OSBP2: variants seen among roughly 807,000 people sequenced by gnomAD.
OSBP2 encodes oxysterol-binding protein 2.
A neutral mutation model predicts 96.0 loss-of-function variants in OSBP2; 66 were observed. That is an observed-to-expected ratio of 0.69 (90% CI 0.56 to 0.84). The LOEUF (loss-of-function observed/expected upper bound fraction) is 0.84. Ranked by LOEUF, OSBP2 falls within the 40% of genes least tolerant of loss-of-function variation. The pLI, the probability that OSBP2 is intolerant of heterozygous loss-of-function variation, is 0.00. For missense variants in OSBP2, 1,038 were observed against 1,222.7 expected (o/e 0.85, Z 2.25); for synonymous variants, 525 against 520.9 (o/e 1.01, Z -0.11).
At chr22:30,806,453 A>G (rs1490586421) in intron 2 of OSBP2, among the ~76,000 whole-genome samples, 1 of 152,202 alleles carries the variant, frequency 6.6e-6, no homozygotes, top group Non-Finnish European at 1.5e-5. Flanking sequence ...TCCTGTCTCC[A>G]GGATGGGGCT....
Position 30,890,908 on chromosome 22 carries a change from A to T in OSBP2, c.1804A>T (p.Met602Leu). The T allele has an allele frequency of 6.2e-7, 1 of 1,613,128 alleles. No homozygotes were observed. The highest frequency in any genetic ancestry group is 8.5e-7 in the Non-Finnish European group (1 of 1,179,964). ...VHRIAKPFNPMLGETFELDRL... is the reference protein window; with the variant it reads ...VHRIAKPFNPLLGETFELDRL... ...CCGCATCGCCAAGCCCTTCAACCCC[A>T]TGCTGGGGGAGACCTTCGAGCTGGA... The change falls in exon 8 of 14, where the codon ATG becomes TTG. Residue 602 changes from methionine to leucine, a missense_variant. Transcript: ENST00000332585. The surrounding 1 kb of genome is among the most constrained non-coding windows in gnomAD (Gnocchi z 4.4).
chr22:30,888,909 A>G (rs2039879318), intron 5 of OSBP2, among the ~76,000 whole-genome samples: 2 of 152,218 alleles, frequency 1.3e-5, no homozygotes, highest in African/African-American at 4.8e-5. Flanking sequence ...ATTGTAGGCA[A>G]TTGTGACACA....
chr22:30,843,107 C>T (rs2038789186), intron 2 of OSBP2, among the ~76,000 whole-genome samples: 1 of 152,112 alleles, frequency 6.6e-6, no homozygotes, highest in South Asian at 2.1e-4. Flanking sequence ...TATCTTGAGG[C>T]TCCACTTCTA....
At chr22:30,728,105 A>C (rs1315753726) in intron 1 of OSBP2, among the ~76,000 whole-genome samples, 1 of 143,148 alleles carries the variant, frequency 7.0e-6, no homozygotes, top group Non-Finnish European at 1.5e-5. Context: ...TGTCTCAAAG[A>C]AAAATAAAGG....
intron 3 of OSBP2, among the ~76,000 whole-genome samples, chr22:30,878,158 G>A (rs551394874): frequency 1.3e-5 from 2 of 152,252 alleles, no homozygotes; most frequent in Non-Finnish European, 2.9e-5. Flanking sequence ...TGTGCTGACA[G>A]TGTTCTGCTT....
intron 2 of OSBP2, among the ~76,000 whole-genome samples, chr22:30,760,076 C>T (rs1602226274): frequency 6.6e-6 from 1 of 151,984 alleles, no homozygotes; most frequent in Admixed American, 6.6e-5. Flanking sequence ...CCATGTTGGC[C>T]AGGGTCATCC....
At position 30,889,204 on chromosome 22, in the gene OSBP2, A is replaced by G. The variant is rs373508185; in HGVS notation, c.1446A>G (p.Thr482=). Residue 482 remains threonine, a synonymous_variant, in exon 6 of 14, where the codon ACA becomes ACG. Coordinates refer to ENST00000332585, the MANE Select transcript of OSBP2 (RefSeq NM_030758.4). ...GAAAAGCTGAAGGTAGCACCGGGACAAGTTCCGTGGACTGGAGCTCAGCAG... is the reference window on the plus strand; with the variant it reads ...GAAAAGCTGAAGGTAGCACCGGGACGAGTTCCGTGGACTGGAGCTCAGCAG... ...DSRKAEGSTG[T]SSVDWSSADN... is the part of the protein sequence containing the mutation. 15 of 1,613,518 alleles carry G rather than the reference A, an allele frequency of 9.3e-6. No individual in the cohort carries two copies. In the African/African-American group the frequency reaches 1.6e-4, roughly 17 times the overall value.
At chr22:30,841,734 C>A (rs898771695) in intron 2 of OSBP2, among the ~76,000 whole-genome samples, 1 of 152,262 alleles carries the variant, frequency 6.6e-6, no homozygotes, top group Middle Eastern at 3.4e-3. Context: ...GGCATGGTGG[C>A]TCACACCTCT....
rs985755371 is a variant in OSBP2 at position 30,824,667 on chromosome 22, A to T, written c.854-45762A>T. Among the ~76,000 whole-genome samples, 3 of 152,280 alleles carry T rather than the reference A, an allele frequency of 2.0e-5. No individual in the cohort carries two copies. The South Asian group carries it at 6.2e-4, about 32-fold the overall frequency. On this transcript the variant is annotated intron_variant, in intron 2 of 13. Coordinates refer to ENST00000332585, the MANE Select transcript of OSBP2 (RefSeq NM_030758.4). ...GGGTGAGACTGGCCTCCTGTTTTATACACGTCAAAGGGTATTCTGGTGAGG... is the reference window on the plus strand; with the variant it reads ...GGGTGAGACTGGCCTCCTGTTTTATTCACGTCAAAGGGTATTCTGGTGAGG...
chr22:30,747,732 C>G (rs959585854), intron 2 of OSBP2, among the ~76,000 whole-genome samples: 3 of 152,170 alleles, frequency 2.0e-5, no homozygotes, highest in African/African-American at 7.2e-5. Context: ...TTCCTGGTCT[C>G]TCTGCCTAGA....
chr22:30,769,971 T>C (rs1050310231), intron 2 of OSBP2, among the ~76,000 whole-genome samples: 1 of 152,200 alleles, frequency 6.6e-6, no homozygotes, highest in Non-Finnish European at 1.5e-5. Context: ...TCCCCCATAC[T>C]GTTCTCATGG....
chr22:30,897,294 C>T (rs1299338832), intron 12 of OSBP2, among the ~76,000 whole-genome samples: 1 of 152,202 alleles, frequency 6.6e-6, no homozygotes, highest in Non-Finnish European at 1.5e-5. Context: ...CTGTACACCT[C>T]TTTCACTTGT....
At chr22:30,725,545 C>CAAAAACAAAAACA (rs2089632825) in intron 1 of OSBP2, among the ~76,000 whole-genome samples, 1 of 143,998 alleles carries the variant, frequency 6.9e-6, no homozygotes, top group African/African-American at 2.5e-5. Context: ...AAAACAAAAA[C>CAAAAACAAAAACA]AAAAAAAAAA....
intron 12 of OSBP2, among the ~76,000 whole-genome samples, chr22:30,903,224 G>T (rs1465466049): frequency 6.6e-6 from 1 of 152,184 alleles, no homozygotes; most frequent in Admixed American, 6.5e-5. Context: ...CTTCTGACCT[G>T]CATGTTGAGT....
At chr22:30,745,784 G>T (rs2145746923) in intron 2 of OSBP2, among the ~76,000 whole-genome samples, 1 of 151,772 alleles carries the variant, frequency 6.6e-6, no homozygotes, top group East Asian at 1.9e-4. Context: ...TGACGTAGTT[G>T]GTAAACCTTT....
At chr22:30,802,180 C>T (rs181315326) in intron 2 of OSBP2, among the ~76,000 whole-genome samples, 13 of 152,262 alleles carry the variant, frequency 8.5e-5, no homozygotes, top group African/African-American at 3.1e-4. Context: ...TGTTGCTGGT[C>T]TGTGGCAGAA....
intron 1 of OSBP2, among the ~76,000 whole-genome samples, chr22:30,718,915 A>T (rs1220996368): frequency 6.6e-6 from 1 of 152,208 alleles, no homozygotes; most frequent in Non-Finnish European, 1.5e-5. Context: ...TTGTTCATGC[A>T]CTGTGACAAG....
chr22:30,808,146 G>A (rs1378753341), intron 2 of OSBP2, among the ~76,000 whole-genome samples: 1 of 152,168 alleles, frequency 6.6e-6, no homozygotes, highest in Non-Finnish European at 1.5e-5. Context: ...GCTAAAGCCA[G>A]TGTTGTGGGT....
chr22:30,753,637 A>G (rs989982750), intron 2 of OSBP2, among the ~76,000 whole-genome samples: 1 of 152,128 alleles, frequency 6.6e-6, no homozygotes, highest in Non-Finnish European at 1.5e-5. Flanking sequence ...TCCAGGCCAA[A>G]CCGTCTTTGG....
Sources: allele counts gnomAD v4.1 joint callset (sites outside exome capture counted in the v4.1 genomes callset), GRCh38; gene constraint gnomAD v4.1.1; non-coding constraint Gnocchi (gnomAD v3.1); transcripts MANE v1.5; gene names NCBI Gene and HGNC (gene_info 2026-07-23, HGNC 2026-07-21).